ERICH6B: variants seen among roughly 807,000 people sequenced by gnomAD.
The protein encoded by ERICH6B is glutamate-rich protein 6B.
In ERICH6B, 69 loss-of-function variants were observed where a neutral mutation model predicts 80.0. The ratio of observed to expected loss-of-function variants is 0.86; its 90% CI spans 0.71 to 1.05. The LOEUF (loss-of-function observed/expected upper bound fraction) is 1.05, where lower values mean the gene tolerates loss of function less well. ERICH6B is among the 50% of genes least tolerant of loss of function. The probability of loss-of-function intolerance (pLI) is 0.00; values close to 1 mark genes in which losing one functional copy is unlikely to be tolerated. For synonymous variants in ERICH6B, 283 were observed against 291.9 expected, an observed-to-expected ratio of 0.97 and a Z score of 0.31; for missense variants, 754 against 796.1, an observed-to-expected ratio of 0.95 and a Z score of 0.64.
intron 2 of ERICH6B, among the ~76,000 whole-genome samples, chr13:45,604,027 C>CCCCA (rs1949842874): frequency 6.6e-6 from 1 of 152,218 alleles, no homozygotes. Flanking sequence ...GGGGTCTTCT[C>CCCCA]CCCAGATGCA....
At chr13:45,582,726 T>C (rs760777691) in intron 5 of ERICH6B, among the ~76,000 whole-genome samples, 1 of 152,242 alleles carries the variant, frequency 6.6e-6, no homozygotes, top group African/African-American at 2.4e-5. Context: ...TTATTAGTGA[T>C]GACATCATCT....
chr13:45,605,475 C>T (rs986860316), intron 2 of ERICH6B, among the ~76,000 whole-genome samples: 8 of 152,178 alleles, frequency 5.3e-5, no homozygotes, highest in African/African-American at 1.9e-4. Context: ...CAGCCTTATG[C>T]GGTAAACACT....
At chr13:45,600,782 A>T (rs921320586) in intron 2 of ERICH6B, among the ~76,000 whole-genome samples, 27 of 152,166 alleles carry the variant, frequency 1.8e-4, no homozygotes, top group Admixed American at 1.8e-3. Flanking sequence ...TATCTTTGCT[A>T]TTGTGAATAC....
intron 11 of ERICH6B, among the ~76,000 whole-genome samples, chr13:45,553,843 T>C (rs1874323883): frequency 6.6e-6 from 1 of 152,192 alleles, no homozygotes; most frequent in African/African-American, 2.4e-5. Context: ...TTTCTTTAAT[T>C]GACAATTAAA....
At chr13:45,596,294 T>C in intron 3 of ERICH6B, 75 bp downstream of exon 3, 1 of 1,460,162 alleles carries the variant, frequency 6.8e-7, no homozygotes, top group Admixed American at 2.5e-5. Context: ...TTCCAGATAC[T>C]CTTCTTCATC....
At chr13:45,606,503 GTGTATATA>G (rs1566307634) in intron 2 of ERICH6B, among the ~76,000 whole-genome samples, 442 of 32,692 alleles carry the variant, frequency 0.014, 10 homozygotes, top group Middle Eastern at 0.043. Flanking sequence ...AAAAGTGTAT[GTGTATATA>G]TATATATATA....
chr13:45,576,788 G>A (rs1875424448), intron 7 of ERICH6B, among the ~76,000 whole-genome samples: 2 of 152,200 alleles, frequency 1.3e-5, no homozygotes, highest in South Asian at 4.1e-4. Context: ...GGTGAACTGG[G>A]CAGCACTGAA....
chr13:45,570,714 GTATTTGCCC>G (rs1875119963), intron 8 of ERICH6B, among the ~76,000 whole-genome samples: 1 of 151,956 alleles, frequency 6.6e-6, no homozygotes, highest in African/African-American at 2.4e-5. Flanking sequence ...GTTCCATATG[GTATTTGCCC>G]CATTGCAGCT....
intron 7 of ERICH6B, 126 bp from the exon 8 acceptor site, chr13:45,575,056 A>G (rs1018899115): frequency 2.1e-5 from 13 of 631,398 alleles, no homozygotes; most frequent in Non-Finnish European, 3.0e-5. Flanking sequence ...AAATGCATAC[A>G]TCATCAATGA....
chr13:45,579,756 GT>G (rs1179154595), intron 7 of ERICH6B, among the ~76,000 whole-genome samples, 176 bp downstream of exon 7: 2 of 152,078 alleles, frequency 1.3e-5, no homozygotes, highest in African/African-American at 4.8e-5. Flanking sequence ...TCTGTTTCTC[GT>G]TTTAGCCTCC....
At chr13:45,597,384 T>C (rs932558579) in intron 2 of ERICH6B, among the ~76,000 whole-genome samples, 2 of 152,226 alleles carry the variant, frequency 1.3e-5, no homozygotes, top group Admixed American at 6.5e-5. Context: ...CTTAAGTATT[T>C]ATTACCACAA....
chr13:45,570,981 G>A (rs947338293), intron 8 of ERICH6B, among the ~76,000 whole-genome samples: 2 of 152,062 alleles, frequency 1.3e-5, no homozygotes, highest in Admixed American at 6.6e-5. Context: ...TGCAGGTTCC[G>A]TGTGGCATTC....
rs1363703556 is a variant in ERICH6B, at chr13:45,596,990, TA to T, written c.15del (p.Asn5LysfsTer32). On this transcript the variant is annotated frameshift_variant, in exon 3 of 15. Coordinates refer to ENST00000298738, the MANE Select transcript of ERICH6B (RefSeq NM_182542.3). LOFTEE classifies it high-confidence loss of function. ...GGAGGTGATGCTCCTGATAACTGATTATTTTCAGCAGACATGCTGGGGAAGT... is the reference window on the plus strand; with the variant it reads ...GGAGGTGATGCTCCTGATAACTGATTTTTTCAGCAGACATGCTGGGGAAGT... MSAE[N>X]NQLSGASPPH... The T allele has an allele frequency of 6.5e-7, 1 of 1,544,476 alleles. No individual in the cohort carries two copies. Among genetic ancestry groups the T allele is most frequent in the Non-Finnish European group, 8.8e-7 (1 of 1,142,168 alleles).
intron 13 of ERICH6B, among the ~76,000 whole-genome samples, chr13:45,548,303 G>A (rs1213692391): frequency 6.6e-6 from 1 of 152,224 alleles, no homozygotes; most frequent in Non-Finnish European, 1.5e-5. Flanking sequence ...TTGGTGTGGA[G>A]GGAATTCTAG....
At chr13:45,561,140 A>G (rs1051518341) in intron 11 of ERICH6B, among the ~76,000 whole-genome samples, 5 of 152,098 alleles carry the variant, frequency 3.3e-5, no homozygotes, top group African/African-American at 1.2e-4. Context: ...AACCCATCCA[A>G]TTGCCTAATA....
intron 8 of ERICH6B, among the ~76,000 whole-genome samples, chr13:45,570,040 G>A (rs1184754129): frequency 2.0e-5 from 3 of 152,164 alleles, no homozygotes; most frequent in Admixed American, 2.0e-4. Flanking sequence ...CTGGATGGCC[G>A]ACCACCTGGG....
intron 9 of ERICH6B, 36 bp downstream of exon 9, chr13:45,568,279 C>G: frequency 6.6e-7 from 1 of 1,506,738 alleles, no homozygotes; most frequent in African/African-American, 1.4e-5. Flanking sequence ...ATACCCAAAT[C>G]CACTGACCAA....
intron 1 of ERICH6B, among the ~76,000 whole-genome samples, chr13:45,610,833 CTG>C (rs10653696): frequency 9.8e-4 from 145 of 147,304 alleles, no homozygotes; most frequent in Middle Eastern, 6.9e-3. Flanking sequence ...TGTGGCAGGA[CTG>C]TGTGTGTGTG....
chr13:45,566,724 G>A (rs1874929318), intron 9 of ERICH6B, among the ~76,000 whole-genome samples: 1 of 152,214 alleles, frequency 6.6e-6, no homozygotes, highest in Non-Finnish European at 1.5e-5. Flanking sequence ...GTAGGGGCGG[G>A]GTCCTCATGG....
Sources: gnomAD v4.1 joint callset for allele counts (sites outside exome capture counted in the v4.1 genomes callset) on GRCh38, gnomAD v4.1.1 for gene constraint, MANE v1.5 for transcripts, NCBI Gene and HGNC (gene_info 2026-07-23, HGNC 2026-07-21) for gene names.